The following CPE variants were observed in gnomAD, a reference collection of about 807,000 sequenced individuals.
The protein encoded by CPE is carboxypeptidase E.
CPE carries 17 observed loss-of-function variants against 53.5 expected under a neutral mutation model. That is an observed-to-expected ratio of 0.32 (90% CI 0.22 to 0.48). The LOEUF is 0.48. CPE is among the 20% of genes least tolerant of loss of function. The pLI, the probability that CPE is intolerant of heterozygous loss-of-function variation, is 0.99. For synonymous variants in CPE, 226 were observed against 228.8 expected, an observed-to-expected ratio of 0.99 and a Z score of 0.11; for missense variants, 524 against 614.7, an observed-to-expected ratio of 0.85 and a Z score of 1.56.
At chr4:165,408,682 T>A (rs1194780329) in intron 1 of CPE, among the ~76,000 whole-genome samples, 1 of 152,250 alleles carries the variant, frequency 6.6e-6, no homozygotes, top group East Asian at 1.9e-4. Flanking sequence ...CAGAGTTTGA[T>A]TCAGTAGGTC....
At chr4:165,497,468 C>T in intron 8 of CPE, 44 bp from the exon 9 acceptor site, 2 of 1,103,918 alleles carry the variant, frequency 1.8e-6, no homozygotes, top group Non-Finnish European at 2.5e-6. Context: ...TTTAAAAAAA[C>T]ACATGCAGTT....
At chr4:165,432,000 A>G (rs1200374581) in intron 1 of CPE, among the ~76,000 whole-genome samples, 1 of 152,138 alleles carries the variant, frequency 6.6e-6, no homozygotes, top group Non-Finnish European at 1.5e-5. Context: ...CAATTAAAAA[A>G]AAAACCCACC....
At chr4:165,488,068 A>T (rs1434896967) in intron 6 of CPE, among the ~76,000 whole-genome samples, 1 of 152,188 alleles carries the variant, frequency 6.6e-6, no homozygotes, top group Non-Finnish European at 1.5e-5. Flanking sequence ...ACAGGTAATA[A>T]TAATAATAAT....
Position 165,487,557 on chromosome 4 carries a change from C to T in CPE, c.1093C>T (p.Leu365Phe). 2.5e-6 allele frequency: 4 copies of T among 1,614,050 alleles called. No individual in the cohort carries two copies. The highest frequency in any genetic ancestry group is 3.4e-6 in the Non-Finnish European group (4 of 1,179,990). Residue 365 changes from leucine (L) to phenylalanine (F), a missense_variant, in exon 6 of 9, where the codon CTC becomes TTC. By Grantham distance (22) the Leu-to-Phe change is conservative (BLOSUM62 0). Transcript: ENST00000402744. ...KTYWEDNKNS[L>F]ISYLEQIHRG... ...CTACTGGGAGGATAACAAAAACTCC[C>T]TCATTAGCTACCTTGAGCAGGTAAA...
intron 1 of CPE, among the ~76,000 whole-genome samples, chr4:165,429,689 G>GC (rs1339707981): frequency 4.9e-5 from 7 of 142,272 alleles, no homozygotes; most frequent in African/African-American, 1.9e-4. Context: ...GTGACAGAGT[G>GC]AGACCCTGTT....
chr4:165,472,411 A>G (rs187173088), intron 3 of CPE, among the ~76,000 whole-genome samples: 1 of 149,206 alleles, frequency 6.7e-6, no homozygotes, highest in South Asian at 2.1e-4. Context: ...TCAAAGACAC[A>G]GTTGCCAAGA....
Position 165,467,672 on chromosome 4 carries a change from AC to A in CPE, c.505-15del. 1 of 1,555,932 alleles carries A rather than the reference AC, an allele frequency of 6.4e-7. No homozygotes were observed. The highest frequency in any genetic ancestry group is 2.1e-5 in the Admixed American group (1 of 48,424). On this transcript the variant is annotated splice_polypyrimidine_tract_variant and intron_variant, in intron 2 of 8. Coordinates refer to ENST00000402744, the MANE Select transcript of CPE (RefSeq NM_001873.4). ...AAGCAACTAATGATTTTTCTCTTTG[AC>A]TTTTTTTTTTTTAGCCTGGTGAACT...
At chr4:165,398,307 T>G (rs989386935) in intron 1 of CPE, among the ~76,000 whole-genome samples, 25 of 152,274 alleles carry the variant, frequency 1.6e-4, no homozygotes, top group African/African-American at 5.8e-4. Flanking sequence ...TTTAGGACTA[T>G]TAGCCTACAA....
At chr4:165,421,699 T>A (rs1213880049) in intron 1 of CPE, among the ~76,000 whole-genome samples, 1 of 152,218 alleles carries the variant, frequency 6.6e-6, no homozygotes, top group African/African-American at 2.4e-5. Flanking sequence ...GTGCTCACAT[T>A]TTCATCCATC....
intron 1 of CPE, among the ~76,000 whole-genome samples, chr4:165,437,653 AAT>A (rs1731531795): frequency 6.6e-6 from 1 of 152,186 alleles, no homozygotes; most frequent in African/African-American, 2.4e-5. Context: ...AATTCAGGAC[AAT>A]ATAATATTTG....
At position 165,482,346 on chromosome 4, in the gene CPE, T is replaced by A; in HGVS notation, c.777T>A (p.Asp259Glu). 6.2e-7 allele frequency: 1 copy of A among 1,610,864 alleles called. No individual in the cohort carries two copies. The highest frequency in any genetic ancestry group is 8.5e-7 in the Non-Finnish European group (1 of 1,177,054). The change falls in exon 4 of 9, where the codon GAT becomes GAA. Residue 259 changes from aspartate (D) to glutamate (E), a missense_variant. Coordinates refer to ENST00000402744, the MANE Select transcript of CPE (RefSeq NM_001873.4). Reference protein sequence around the residue: ...GGDLVANYPYDETRSGSAHEY... With the variant: ...GGDLVANYPYEETRSGSAHEY... ...ACCTTGTGGCCAATTATCCATATGA[T>A]GAGACGCGGAGTGGTAGGTATTCTT...
chr4:165,477,749 A>C (rs1470288344), intron 3 of CPE, among the ~76,000 whole-genome samples: 1 of 151,780 alleles, frequency 6.6e-6, no homozygotes, highest in African/African-American at 2.4e-5. Flanking sequence ...AAAGAAATTC[A>C]TATTCCCACA....
intron 6 of CPE, among the ~76,000 whole-genome samples, chr4:165,489,840 AAGTT>A (rs1297614175): frequency 1.3e-5 from 2 of 152,260 alleles, no homozygotes; most frequent in Non-Finnish European, 2.9e-5. Context: ...AAGAAGGTTA[AAGTT>A]ATACAATCCT....
intron 6 of CPE, among the ~76,000 whole-genome samples, chr4:165,488,040 C>T (rs1307248468): frequency 1.3e-5 from 2 of 152,022 alleles, no homozygotes; most frequent in Non-Finnish European, 2.9e-5. Context: ...TCTTTCTCAC[C>T]CTAGACTCAA....
chr4:165,469,183 G>T (rs1433430491), intron 3 of CPE, among the ~76,000 whole-genome samples: 1 of 152,138 alleles, frequency 6.6e-6, no homozygotes, highest in Non-Finnish European at 1.5e-5. Context: ...GTGCATCTTT[G>T]AACCAATATT....
chr4:165,423,068 A>G (rs1200727708), intron 1 of CPE, among the ~76,000 whole-genome samples: 2 of 152,198 alleles, frequency 1.3e-5, no homozygotes, highest in Admixed American at 1.3e-4. Context: ...ATAAGAGACA[A>G]ACAAACATTC....
chr4:165,405,339 G>C (rs987644968), intron 1 of CPE: 3 of 1,425,680 alleles, frequency 2.1e-6, no homozygotes, highest in Non-Finnish European at 2.0e-6. Context: ...CCATGGTAGA[G>C]TCCCATCAAG....
At chr4:165,464,630 CTG>C in intron 2 of CPE, 44 bp downstream of exon 2, 1 of 1,502,160 alleles carries the variant, frequency 6.7e-7, no homozygotes, top group African/African-American at 1.4e-5. Context: ...TCTTCATTTT[CTG>C]TATGTTTGTA....
Position 165,484,570 on chromosome 4 carries a change from C to G in CPE, c.939C>G (p.Thr313=). The change falls in exon 5 of 9, where the codon ACC becomes ACG. Residue 313 remains threonine, a synonymous_variant. Coordinates refer to ENST00000402744, the MANE Select transcript of CPE (RefSeq NM_001873.4). Reference sequence around the variant, plus strand: ...ATGACAGCAGCTTTGTAGATGGAACCACCAACGGTGGTGCTTGGTACAGCG... The same window carrying G: ...ATGACAGCAGCTTTGTAGATGGAACGACCAACGGTGGTGCTTGGTACAGCG... ...NDDDSSFVDG[T]TNGGAWYSVP... The G allele has an allele frequency of 1.2e-6, 2 of 1,614,096 alleles. No homozygotes were observed. Among genetic ancestry groups the G allele is most frequent in the Non-Finnish European group, 1.7e-6 (2 of 1,179,970 alleles).
Sources: gnomAD v4.1 joint callset for allele counts (sites outside exome capture counted in the v4.1 genomes callset) on GRCh38, gnomAD v4.1.1 for gene constraint, MANE v1.5 for transcripts, NCBI Gene and HGNC (gene_info 2026-07-23, HGNC 2026-07-21) for gene names.